ARSB: variants seen among roughly 807,000 people sequenced by gnomAD.
The protein encoded by ARSB is N-acetylgalactosamine-4-sulfatase.
In ARSB, 41 loss-of-function variants were observed where a neutral mutation model predicts 50.9. The observed-to-expected ratio is 0.81, with a 90% CI of 0.63 to 1.04. The LOEUF (loss-of-function observed/expected upper bound fraction) is 1.04, where lower values mean the gene tolerates loss of function less well. ARSB is among the 50% of genes least tolerant of loss of function. The probability of loss-of-function intolerance (pLI) is 0.00; values close to 1 mark genes in which losing one functional copy is unlikely to be tolerated. For missense variants in ARSB, 672 were observed against 693.3 expected (o/e 0.97, Z 0.35); for synonymous variants, 269 against 284.8 (o/e 0.94, Z 0.56).
At chr5:78,974,540 G>A (rs1317344945) in intron 1 of ARSB, among the ~76,000 whole-genome samples, 3 of 152,162 alleles carry the variant, frequency 2.0e-5, no homozygotes, top group Non-Finnish European at 2.9e-5. Context: ...TTAAGGAAAC[G>A]CAAACAAAAG....
intron 6 of ARSB, among the ~76,000 whole-genome samples, chr5:78,817,291 G>A (rs1455683246): frequency 6.6e-6 from 1 of 152,112 alleles, no homozygotes; most frequent in Non-Finnish European, 1.5e-5. Context: ...CTTCCTCTCT[G>A]TTCTTTCTCT....
At chr5:78,784,629 G>A (rs55698149) in intron 6 of ARSB, among the ~76,000 whole-genome samples, 2 of 151,894 alleles carry the variant, frequency 1.3e-5, no homozygotes, top group African/African-American at 4.8e-5. Flanking sequence ...TTGATAACTT[G>A]TATTTTATTA....
intron 4 of ARSB, among the ~76,000 whole-genome samples, chr5:78,919,026 G>T (rs948970432): frequency 6.6e-6 from 1 of 152,190 alleles, no homozygotes; most frequent in Non-Finnish European, 1.5e-5. Context: ...TTCCATAAGT[G>T]TGAGATTTCC....
chr5:78,824,739 C>T (rs994083176), intron 6 of ARSB, among the ~76,000 whole-genome samples: 1 of 152,192 alleles, frequency 6.6e-6, no homozygotes, highest in African/African-American at 2.4e-5. Flanking sequence ...TCATCAGAAT[C>T]TGCCCCCAAC....
chr5:78,910,051 G>A (rs1749237853), intron 4 of ARSB, among the ~76,000 whole-genome samples: 1 of 152,190 alleles, frequency 6.6e-6, no homozygotes, highest in South Asian at 2.1e-4. Context: ...TGCACATCCA[G>A]GCATAGTACC....
chr5:78,789,243 C>A (rs1034354037), intron 6 of ARSB, among the ~76,000 whole-genome samples: 1 of 152,112 alleles, frequency 6.6e-6, no homozygotes, highest in Non-Finnish European at 1.5e-5. Flanking sequence ...ATAAAAATGA[C>A]CTGTTAATTT....
intron 4 of ARSB, among the ~76,000 whole-genome samples, chr5:78,941,212 C>T (rs936054881): frequency 5.6e-4 from 85 of 151,596 alleles, no homozygotes; most frequent in African/African-American, 2.0e-3. Flanking sequence ...TCTAGATATA[C>T]AATCATGTCA....
intron 6 of ARSB, among the ~76,000 whole-genome samples, chr5:78,831,803 C>T (rs955516851): frequency 1.3e-5 from 2 of 152,078 alleles, no homozygotes; most frequent in Non-Finnish European, 1.5e-5. Context: ...CCATGCATTC[C>T]CCCTAACTCT....
At chr5:78,906,301 C>T (rs1749064463) in intron 4 of ARSB, among the ~76,000 whole-genome samples, 1 of 152,084 alleles carries the variant, frequency 6.6e-6, no homozygotes, top group Non-Finnish European at 1.5e-5. Flanking sequence ...CCACTGTACT[C>T]CAGCCTGGGC....
intron 6 of ARSB, among the ~76,000 whole-genome samples, chr5:78,792,398 T>TA (rs1259362190): frequency 1.3e-5 from 2 of 151,122 alleles, no homozygotes; most frequent in Non-Finnish European, 3.0e-5. Flanking sequence ...AAAAAAAAGT[T>TA]ACGCATTCAA....
rs1753125599 is a variant in ARSB, at chr5:78,985,145, G to A, written c.104C>T (p.Pro35Leu). ...CCGGCTGGCCCCGGCGCCCGAGCCCGGCGGCGCCAACAACAGCAGCAGCAG... is the reference window on the plus strand; with the variant it reads ...CCGGCTGGCCCCGGCGCCCGAGCCCAGCGGCGCCAACAACAGCAGCAGCAG... The part of the protein sequence containing the change: ...PLLLLLLLAP[P>L]GSGAGASRPP... The change falls in exon 1 of 8, where the codon CCG becomes CTG. Residue 35 changes from proline to leucine, a missense_variant. Coordinates refer to ENST00000264914, the MANE Select transcript of ARSB (RefSeq NM_000046.5). 3 of 1,455,884 alleles carry A rather than the reference G, an allele frequency of 2.1e-6. No homozygotes were observed. The highest frequency in any genetic ancestry group is 1.4e-5 in the South Asian group (1 of 71,286). 90.2% of individuals were successfully genotyped at this position (1,455,884 alleles called of 1,614,324 possible).
At chr5:78,817,106 TC>T in intron 6 of ARSB, 1 of 985,434 alleles carries the variant, frequency 1.0e-6, no homozygotes, top group Non-Finnish European at 1.2e-6. Flanking sequence ...CTCCTTGTCT[TC>T]CGGACTTCAG....
intron 5 of ARSB, among the ~76,000 whole-genome samples, chr5:78,841,176 A>AATAATAATAATAATAATAATAATG (rs1227408027): frequency 1.1e-4 from 17 of 149,896 alleles, no homozygotes; most frequent in African/African-American, 4.0e-4. Flanking sequence ...TACTAATAAT[A>AATAATAATAATAATAATAATAATG]ATAATAATTT....
In ARSB at chr5:78,934,651, G is replaced by A. The variant is rs117459156; in HGVS notation, c.898+20644C>T. On this transcript the variant is annotated intron_variant, in intron 4 of 7. Coordinates refer to ENST00000264914, the MANE Select transcript of ARSB (RefSeq NM_000046.5). ...CTAAAAATACAAAAATTTGGCAGGC[G>A]TGATGGTGGGCACCTGTAATCCCAG... 1.4e-3 allele frequency among the ~76,000 whole-genome samples: 212 copies of A among 152,042 alleles called. 5 individuals are homozygous for A. The East Asian group carries it at 0.031, about 22-fold the overall frequency.
intron 4 of ARSB, among the ~76,000 whole-genome samples, chr5:78,945,277 C>A (rs1448224145): frequency 2.6e-5 from 4 of 152,182 alleles, no homozygotes; most frequent in Admixed American, 2.6e-4. Flanking sequence ...TGCACCACAC[C>A]CATTGTCCTG....
rs760962960 is a variant in ARSB, at chr5:78,781,978, G to A, written c.1214-4C>T. ...GGAGCCATGCTGTTCCTGGGACCTGGGAAGAAATAGTTTGAAAGAATTAGA... is the reference window on the plus strand; with the variant it reads ...GGAGCCATGCTGTTCCTGGGACCTGAGAAGAAATAGTTTGAAAGAATTAGA... On this transcript the variant is annotated splice_polypyrimidine_tract_variant and splice_region_variant and intron_variant, in intron 6 of 7. Transcript: ENST00000264914. The A allele has an allele frequency of 1.2e-6, 2 of 1,614,062 alleles. No individual in the cohort carries two copies. The highest frequency in any genetic ancestry group is 1.7e-6 in the Non-Finnish European group (2 of 1,179,920).
At chr5:78,939,126 C>G (rs540733466) in intron 4 of ARSB, among the ~76,000 whole-genome samples, 1 of 152,188 alleles carries the variant, frequency 6.6e-6, no homozygotes, top group Non-Finnish European at 1.5e-5. Context: ...TTCACTCTTT[C>G]CAGCTCTTTG....
chr5:78,944,445 G>C (rs552627430), intron 4 of ARSB, among the ~76,000 whole-genome samples: 7 of 152,352 alleles, frequency 4.6e-5, no homozygotes, highest in Non-Finnish European at 8.8e-5. Flanking sequence ...GTGATTTACA[G>C]ATGGGGTTTT....
At chr5:78,797,174 G>A (rs1010208199) in intron 6 of ARSB, among the ~76,000 whole-genome samples, 5 of 152,266 alleles carry the variant, frequency 3.3e-5, no homozygotes, top group Admixed American at 6.5e-5. Context: ...CACCGCGCCC[G>A]GCAGGTCTCG....
Sources: gnomAD v4.1 joint callset for allele counts (sites outside exome capture counted in the v4.1 genomes callset) on GRCh38, gnomAD v4.1.1 for gene constraint, MANE v1.5 for transcripts, NCBI Gene and HGNC (gene_info 2026-07-23, HGNC 2026-07-21) for gene names.